The following MAGI2 variants were observed in gnomAD, a reference collection of about 807,000 sequenced individuals.
The protein encoded by MAGI2 is membrane associated guanylate kinase, WW and PDZ domain containing 2, also known as membrane-associated guanylate kinase, WW and PDZ domain-containing protein 2.
A neutral mutation model predicts 133.3 loss-of-function variants in MAGI2; 35 were observed. The ratio of observed to expected loss-of-function variants is 0.26; its 90% CI spans 0.20 to 0.35. The LOEUF (loss-of-function observed/expected upper bound fraction) is 0.35. MAGI2 is among the 10% of genes least tolerant of loss of function. The pLI is 1.00. For missense variants in MAGI2, 1,636 were observed against 1,863.4 expected (o/e 0.88, Z 2.25); for synonymous variants, 729 against 710.6 (o/e 1.03, Z -0.41).
At chr7:78,481,543 A>C (rs2150459923) in intron 6 of MAGI2, among the ~76,000 whole-genome samples, 2 of 151,978 alleles carry the variant, frequency 1.3e-5, no homozygotes, top group East Asian at 3.9e-4. Context: ...CCCAAATATT[A>C]AGGTTTACTA....
intron 10 of MAGI2, among the ~76,000 whole-genome samples, chr7:78,218,880 C>CAGCGCCTCTTCACAGCT (rs1318198283): frequency 2.6e-5 from 4 of 152,232 alleles, no homozygotes; most frequent in Non-Finnish European, 5.9e-5. Flanking sequence ...TACAGCCCAA[C>CAGCGCCTCTTCACAGCT]AGCGCCTCTT....
chr7:78,052,283 C>T (rs1407609478), intron 21 of MAGI2, among the ~76,000 whole-genome samples: 2 of 152,148 alleles, frequency 1.3e-5, no homozygotes, highest in Admixed American at 1.3e-4. Context: ...CTGCTGCCGT[C>T]CTCATGGGAC....
intron 2 of MAGI2, among the ~76,000 whole-genome samples, chr7:78,826,641 CTTAA>C (rs1790678668): frequency 6.6e-6 from 1 of 152,056 alleles, no homozygotes; most frequent in Non-Finnish European, 1.5e-5. Flanking sequence ...TAGCATGAAT[CTTAA>C]TTTATGCAAA....
At chr7:78,243,167 A>G (rs1791336280) in intron 10 of MAGI2, among the ~76,000 whole-genome samples, 1 of 151,752 alleles carries the variant, frequency 6.6e-6, no homozygotes, top group African/African-American at 2.4e-5. Context: ...AACAACCTCT[A>G]AAATATTTGG....
chr7:78,602,432 T>TTGTA (rs201950561), intron 3 of MAGI2, among the ~76,000 whole-genome samples: 3,107 of 152,302 alleles, frequency 0.02, 42 homozygotes, highest in Middle Eastern at 0.044. Context: ...AGTGCTGGGA[T>TTGTA]TACAGGCATG....
intron 2 of MAGI2, among the ~76,000 whole-genome samples, chr7:78,864,186 T>G (rs1378919275): frequency 6.6e-6 from 1 of 152,324 alleles, no homozygotes; most frequent in South Asian, 2.1e-4. Context: ...TGGCTGACAT[T>G]AGCAAAATAT....
chr7:79,133,103 G>C (rs748781035), intron 1 of MAGI2, among the ~76,000 whole-genome samples: 2 of 152,030 alleles, frequency 1.3e-5, no homozygotes, highest in Non-Finnish European at 2.9e-5. Context: ...TGGGTTGTCT[G>C]TTTACTCTGA....
intron 2 of MAGI2, among the ~76,000 whole-genome samples, chr7:79,003,027 TG>T (rs1430834569): frequency 6.6e-6 from 1 of 151,894 alleles, no homozygotes; most frequent in African/African-American, 2.4e-5. Context: ...ATGGGCTTTT[TG>T]TATTATTTGT....
chr7:78,290,172 G>T (rs1385282742), intron 9 of MAGI2, among the ~76,000 whole-genome samples: 1 of 152,100 alleles, frequency 6.6e-6, no homozygotes, highest in Admixed American at 6.5e-5. Flanking sequence ...TGGATAAAGA[G>T]TCAAGACCCA....
chr7:78,668,295 C>T (rs1012349431), intron 2 of MAGI2, among the ~76,000 whole-genome samples: 6 of 151,292 alleles, frequency 4.0e-5, no homozygotes, highest in African/African-American at 1.5e-4. Context: ...GGATATTAGC[C>T]CTCTGTCAGA....
At chr7:78,977,264 A>C (rs1199157291) in intron 2 of MAGI2, among the ~76,000 whole-genome samples, 1 of 151,668 alleles carries the variant, frequency 6.6e-6, no homozygotes, top group Non-Finnish European at 1.5e-5. Context: ...TCAATGTAAC[A>C]GAATAGAAAA....
At chr7:78,055,889 C>T (rs1335132172) in intron 21 of MAGI2, among the ~76,000 whole-genome samples, 1 of 152,148 alleles carries the variant, frequency 6.6e-6, no homozygotes, top group Admixed American at 6.6e-5. Flanking sequence ...CTGAAGTAAC[C>T]TCCGCTGAAG....
chr7:78,860,390 T>A (rs1170827136), intron 2 of MAGI2, among the ~76,000 whole-genome samples: 1 of 152,174 alleles, frequency 6.6e-6, no homozygotes, highest in Non-Finnish European at 1.5e-5. Flanking sequence ...CTACCTTTGG[T>A]CTTTGATGAT....
intron 1 of MAGI2, among the ~76,000 whole-genome samples, chr7:79,087,501 G>A (rs910202811): frequency 6.6e-6 from 1 of 151,922 alleles, no homozygotes; most frequent in African/African-American, 2.4e-5. Flanking sequence ...TAAGTTTATG[G>A]AGCATTTAAC....
intron 21 of MAGI2, among the ~76,000 whole-genome samples, chr7:78,070,002 T>A (rs1016358581): frequency 5.3e-5 from 8 of 151,512 alleles, no homozygotes; most frequent in Non-Finnish European, 1.2e-4. Flanking sequence ...TCACTCATCT[T>A]CTCCACGACT....
At chr7:78,718,219 C>T (rs1035996454) in intron 2 of MAGI2, among the ~76,000 whole-genome samples, 2 of 152,146 alleles carry the variant, frequency 1.3e-5, no homozygotes, top group African/African-American at 4.8e-5. Context: ...TATAGAGTGG[C>T]AGGAATAAAT....
chr7:79,012,180 C>G (rs1808229716), intron 1 of MAGI2: 1 of 152,070 alleles, frequency 6.6e-6, no homozygotes, highest in African/African-American at 2.4e-5. Context: ...ATTTCTCCCT[C>G]TTGGACATGC....
At chr7:78,858,509 A>T (rs1004579341) in intron 2 of MAGI2, among the ~76,000 whole-genome samples, 17 of 152,228 alleles carry the variant, frequency 1.1e-4, no homozygotes, top group African/African-American at 4.1e-4. Flanking sequence ...TTCGTTATGC[A>T]CCCAGTAGTT....
At chr7:79,342,753 T>G (rs1021293714) in intron 1 of MAGI2, among the ~76,000 whole-genome samples, 11 of 151,824 alleles carry the variant, frequency 7.2e-5, no homozygotes, top group Non-Finnish European at 8.8e-5. Flanking sequence ...ATTTATTTAT[T>G]TGTTTGTTTA....
Sources: gnomAD v4.1 joint callset for allele counts (sites outside exome capture counted in the v4.1 genomes callset) on GRCh38, gnomAD v4.1.1 for gene constraint, MANE v1.5 for transcripts, NCBI Gene and HGNC (gene_info 2026-07-23, HGNC 2026-07-21) for gene names.